Variants in SGCZ observed in about 807,000 individuals in gnomAD.
The protein encoded by SGCZ is zeta-sarcoglycan.
SGCZ carries 40 observed loss-of-function variants against 41.3 expected under a neutral mutation model. That is an observed-to-expected ratio of 0.97 (90% CI 0.75 to 1.26). SGCZ has a LOEUF of 1.26. Ranked by LOEUF, SGCZ falls within the 50% of genes most tolerant of loss-of-function variation. SGCZ has a pLI of 0.00. For missense variants in SGCZ, 552 were observed against 369.8 expected, an observed-to-expected ratio of 1.49 and a Z score of -4.04; for synonymous variants, 206 against 137.5, an observed-to-expected ratio of 1.50 and a Z score of -3.49.
intron 1 of SGCZ, among the ~76,000 whole-genome samples, chr8:14,607,806 T>C (rs12542406): frequency 0.084 from 12,512 of 149,734 alleles, 1,255 homozygotes; most frequent in East Asian, 0.54. Context: ...GAAGCACATA[T>C]ATGATCTACA....
chr8:14,991,511 C>T (rs75690324), intron 1 of SGCZ, among the ~76,000 whole-genome samples: 2,086 of 152,210 alleles, frequency 0.014, 57 homozygotes, highest in African/African-American at 0.047. Flanking sequence ...TTCGGCCCAG[C>T]TCAACTTTCA....
intron 3 of SGCZ, among the ~76,000 whole-genome samples, chr8:14,296,974 T>G (rs370749687): frequency 2.0e-5 from 3 of 152,248 alleles, no homozygotes; most frequent in African/African-American, 7.2e-5. Flanking sequence ...CAAGCTGGAA[T>G]GCAATGGCAT....
At chr8:14,372,166 T>C (rs922776591) in intron 2 of SGCZ, among the ~76,000 whole-genome samples, 1 of 152,056 alleles carries the variant, frequency 6.6e-6, no homozygotes, top group Non-Finnish European at 1.5e-5. Context: ...ATCCTAAGGG[T>C]AGTACTCATG....
intron 2 of SGCZ, among the ~76,000 whole-genome samples, chr8:14,425,550 G>C (rs973253701): frequency 7.2e-5 from 11 of 151,954 alleles, no homozygotes; most frequent in Non-Finnish European, 1.6e-4. Flanking sequence ...GAAACCACGA[G>C]GCAGACGTTG....
chr8:14,144,388 A>G (rs1031308256), intron 5 of SGCZ, among the ~76,000 whole-genome samples: 2 of 152,164 alleles, frequency 1.3e-5, no homozygotes, highest in African/African-American at 4.8e-5. Context: ...AAGGGAATCC[A>G]CTGCTTTGAA....
At chr8:14,647,332 G>A (rs999933728) in intron 1 of SGCZ, among the ~76,000 whole-genome samples, 3 of 151,890 alleles carry the variant, frequency 2.0e-5, no homozygotes, top group African/African-American at 4.8e-5. Flanking sequence ...AAAATATTGA[G>A]AAGAAAATAG....
chr8:14,793,575 G>A (rs896114862), intron 1 of SGCZ, among the ~76,000 whole-genome samples: 1 of 152,188 alleles, frequency 6.6e-6, no homozygotes, highest in Non-Finnish European at 1.5e-5. Context: ...TGGCAGTAGG[G>A]AAAGCTGAGG....
chr8:14,309,212 A>C, intron 3 of SGCZ: 6 of 1,497,382 alleles, frequency 4.0e-6, no homozygotes, highest in Non-Finnish European at 4.6e-6. Flanking sequence ...GCTGATCTCT[A>C]AGTTTGATAC....
At chr8:15,022,958 G>C (rs1349454038) in intron 1 of SGCZ, among the ~76,000 whole-genome samples, 1 of 152,138 alleles carries the variant, frequency 6.6e-6, no homozygotes. Context: ...CCTTGGACCC[G>C]ACAGGTGGAT....
At chr8:15,100,120 A>C (rs1806548004) in intron 1 of SGCZ, among the ~76,000 whole-genome samples, 1 of 152,188 alleles carries the variant, frequency 6.6e-6, no homozygotes, top group Non-Finnish European at 1.5e-5. Flanking sequence ...AGACAGGAAA[A>C]GGAAATTAAA....
chr8:14,406,681 T>C (rs1585465789), intron 2 of SGCZ, among the ~76,000 whole-genome samples: 1 of 150,488 alleles, frequency 6.6e-6, no homozygotes, highest in Admixed American at 6.6e-5. Flanking sequence ...CAGTTTACCA[T>C]TGCCAGGGCA....
intron 2 of SGCZ, among the ~76,000 whole-genome samples, chr8:14,413,668 C>A (rs1799419878): frequency 6.6e-6 from 1 of 151,924 alleles, no homozygotes; most frequent in Non-Finnish European, 1.5e-5. Flanking sequence ...AAAAATAAAG[C>A]ACATTTTACC....
chr8:15,131,101 G>C (rs1434872777), intron 1 of SGCZ, among the ~76,000 whole-genome samples: 2 of 152,134 alleles, frequency 1.3e-5, no homozygotes, highest in African/African-American at 4.8e-5. Context: ...TTACCAAGTA[G>C]AGTGACACAT....
At chr8:14,581,105 T>C (rs1035605430) in intron 1 of SGCZ, among the ~76,000 whole-genome samples, 1 of 152,144 alleles carries the variant, frequency 6.6e-6, no homozygotes, top group East Asian at 1.9e-4. Context: ...ACTAATTTTT[T>C]TTATTTATTT....
intron 4 of SGCZ, among the ~76,000 whole-genome samples, chr8:14,187,846 A>C (rs6984467): frequency 0.99 from 151,375 of 152,172 alleles, 75,296 homozygotes; most frequent in East Asian, 1. Context: ...ACTCAGAGAA[A>C]TTCAAATAAG....
At chr8:14,885,690 T>A (rs1804760546) in intron 1 of SGCZ, among the ~76,000 whole-genome samples, 1 of 151,964 alleles carries the variant, frequency 6.6e-6, no homozygotes, top group Non-Finnish European at 1.5e-5. Flanking sequence ...GCCCAGTAAT[T>A]GTAGGACTCA....
At chr8:14,095,384 C>G (rs1233032569) in intron 7 of SGCZ, among the ~76,000 whole-genome samples, 2 of 152,120 alleles carry the variant, frequency 1.3e-5, no homozygotes, top group East Asian at 1.9e-4. Flanking sequence ...ATAGGGAATC[C>G]TTTTCCCATT....
At chr8:14,113,097 C>T (rs1421718883) in intron 5 of SGCZ, among the ~76,000 whole-genome samples, 1 of 152,062 alleles carries the variant, frequency 6.6e-6, no homozygotes, top group African/African-American at 2.4e-5. Flanking sequence ...CTTACCACCA[C>T]AAAATACAAC....
chr8:14,625,143 T>A (rs1452113354), intron 1 of SGCZ, among the ~76,000 whole-genome samples: 4 of 152,226 alleles, frequency 2.6e-5, no homozygotes, highest in Non-Finnish European at 5.9e-5. Context: ...ACATTGCTAT[T>A]GAAATTTGCT....
Sources: gnomAD v4.1 joint callset for allele counts (sites outside exome capture counted in the v4.1 genomes callset) on GRCh38, gnomAD v4.1.1 for gene constraint, MANE v1.5 for transcripts, NCBI Gene and HGNC (gene_info 2026-07-23, HGNC 2026-07-21) for gene names.